Variants in AOPEP observed in about 807,000 individuals in gnomAD.
AOPEP encodes aminopeptidase O.
AOPEP carries 77 observed loss-of-function variants against 98.1 expected under a neutral mutation model. The observed-to-expected ratio is 0.78, with a 90% CI of 0.65 to 0.95. The LOEUF is 0.95. Ranked by LOEUF, AOPEP falls within the 40% of genes least tolerant of loss-of-function variation. The probability of loss-of-function intolerance (pLI) is 0.00; values close to 1 mark genes in which losing one functional copy is unlikely to be tolerated. For synonymous variants in AOPEP, 346 were observed against 365.3 expected, an observed-to-expected ratio of 0.95 and a Z score of 0.60; for missense variants, 1,024 against 1,024.7, an observed-to-expected ratio of 1.00 and a Z score of 0.01.
chr9:94,829,486 A>G (rs999413072), intron 5 of AOPEP, among the ~76,000 whole-genome samples: 1 of 152,210 alleles, frequency 6.6e-6, no homozygotes, highest in Non-Finnish European at 1.5e-5. Flanking sequence ...ATCTCTGGAA[A>G]GAGAAGTAAG....
chr9:94,807,043 C>G (rs1216750358), intron 5 of AOPEP, among the ~76,000 whole-genome samples: 1 of 152,148 alleles, frequency 6.6e-6, no homozygotes, highest in Admixed American at 6.5e-5. Flanking sequence ...ACACAGAAAC[C>G]ATACTGACCC....
rs35760706 is a variant in AOPEP, at chr9:94,839,088, CTT to C, written c.1364+38100_1364+38101del. ...ACCACACCCACCTAATTTTTGTATT[CTT>C]TTTTTTTTTTTTTGAGAGGGAGTCT... On this transcript the variant is annotated intron_variant, in intron 5 of 16. Transcript: ENST00000375315. Among the ~76,000 whole-genome samples the C allele has an allele frequency of 1.5e-3, 183 of 121,200 alleles. 6 individuals carry two copies. The highest frequency in any genetic ancestry group is 1.1e-3 in the Non-Finnish European group (67 of 59,206). The allele number at this position is 121,200 out of a possible 152,430, so 79.5% of individuals were successfully genotyped here.
chr9:94,917,618 GC>G (rs1241470824), intron 5 of AOPEP, among the ~76,000 whole-genome samples: 1 of 152,172 alleles, frequency 6.6e-6, no homozygotes, highest in Non-Finnish European at 1.5e-5. Context: ...GGAGCTCCTA[GC>G]CTTGGCATCG....
Position 94,980,652 on chromosome 9 carries a change from G to C in AOPEP, c.1977+1225G>C, listed in dbSNP as rs1044950407. 2.0e-5 allele frequency among the ~76,000 whole-genome samples: 3 copies of C among 152,096 alleles called. No homozygotes were observed. The highest frequency in any genetic ancestry group is 2.9e-5 in the Non-Finnish European group (2 of 68,034). ...GTCACCTGTTACAAATTATTTCTTTGGTCCAGTCCTTCTGGGAGGAAAAAA... is the reference window on the plus strand; with the variant it reads ...GTCACCTGTTACAAATTATTTCTTTCGTCCAGTCCTTCTGGGAGGAAAAAA... On this transcript the variant is annotated intron_variant, in intron 11 of 16. Transcript: ENST00000375315. This position sits in a 1 kb window ranked among gnomAD's most constrained non-coding sequence, Gnocchi z 4.3.
chr9:95,080,749 A>T lies in AOPEP; in HGVS notation c.2288A>T (p.Lys763Ile), dbSNP rs769844423. The change falls in exon 15 of 17, where the codon AAA becomes ATA. Residue 763 changes from lysine to isoleucine, a missense_variant. Lys to Ile is a moderately radical substitution (Grantham distance 102). Transcript: ENST00000375315. ...AAGCACAAGTTCACGAAAGCCTACA[A>T]AAGTGTGGAGAGGTTCCTTCAGGAG... ...IVKHKFTKAY[K>I]SVERFLQEDQ... is the part of the protein sequence containing the mutation. 3.7e-6 allele frequency: 6 copies of T among 1,614,122 alleles called. No individual in the cohort carries two copies. The East Asian group carries it at 1.3e-4, about 36-fold the overall frequency.
intron 1 of AOPEP, among the ~76,000 whole-genome samples, chr9:94,755,117 C>T (rs1210195844): frequency 6.6e-6 from 1 of 151,962 alleles, no homozygotes; most frequent in Non-Finnish European, 1.5e-5. Context: ...TTATTTTAGA[C>T]ACAGCAATGG....
chr9:94,978,428 A>G (rs532284499), intron 10 of AOPEP, among the ~76,000 whole-genome samples: 12 of 152,330 alleles, frequency 7.9e-5, no homozygotes, highest in African/African-American at 2.9e-4. Flanking sequence ...ACCAGGGATC[A>G]GATCTCAGAT....
At chr9:95,113,012 T>C in the AOPEP span, among the ~76,000 whole-genome samples, 1 of 152,144 alleles carries the variant, frequency 6.6e-6, no homozygotes, top group Non-Finnish European at 1.5e-5. Context: ...AATCACAGGG[T>C]GGGCTGTTTA....
At chr9:95,012,926 T>A (rs1462643941) in intron 13 of AOPEP, among the ~76,000 whole-genome samples, 2 of 150,440 alleles carry the variant, frequency 1.3e-5, no homozygotes, top group African/African-American at 4.9e-5. Context: ...TTTTGTTTTT[T>A]TTTTTTAACG....
intron 3 of AOPEP, among the ~76,000 whole-genome samples, chr9:94,779,994 G>T (rs186112766): frequency 1.3e-5 from 2 of 152,184 alleles, no homozygotes; most frequent in African/African-American, 4.8e-5. Flanking sequence ...CACTAATACA[G>T]ATGGGAACTC....
chr9:94,754,396 A>G (rs1179407125), intron 1 of AOPEP, among the ~76,000 whole-genome samples: 1 of 152,236 alleles, frequency 6.6e-6, no homozygotes, highest in Non-Finnish European at 1.5e-5. Flanking sequence ...ACTACTCAAC[A>G]GTGTGCTCTA....
chr9:95,009,995 C>T (rs947482088), intron 13 of AOPEP, among the ~76,000 whole-genome samples: 8 of 151,788 alleles, frequency 5.3e-5, no homozygotes, highest in African/African-American at 1.9e-4. Context: ...AGTATTTTCA[C>T]TCTACTTCTA....
At chr9:95,080,837 A>G (rs2069668511) in intron 15 of AOPEP, 57 bp downstream of exon 15, 1 of 1,093,792 alleles carries the variant, frequency 9.1e-7, no homozygotes, top group Non-Finnish European at 1.4e-6. Context: ...TGCACTTCAC[A>G]CAGGAATCCA....
At chr9:95,101,501 A>C in the AOPEP span, 1 of 636,154 alleles carries the variant, frequency 1.6e-6, no homozygotes, top group Non-Finnish European at 2.7e-6. Flanking sequence ...ATTAGTGAAC[A>C]TGTCTGACTG....
chr9:94,846,696 C>T lies in AOPEP; in HGVS notation c.1364+45694C>T, dbSNP rs75498395. Among the ~76,000 whole-genome samples the T allele has an allele frequency of 7.4e-3, 1,129 of 152,090 alleles. 15 individuals carry two copies. The highest frequency in any genetic ancestry group is 0.026 in the African/African-American group (1,090 of 41,478). ...CGAGGTGGTGGGAGGATTGCTTGAACCCAGGAGTTCAAGATCATCTTGGAA... is the reference window on the plus strand; with the variant it reads ...CGAGGTGGTGGGAGGATTGCTTGAATCCAGGAGTTCAAGATCATCTTGGAA... On this transcript the variant is annotated intron_variant, in intron 5 of 16. Transcript: ENST00000375315.
chr9:94,886,542 TTTC>T (rs2048259118), intron 5 of AOPEP, among the ~76,000 whole-genome samples: 1 of 152,216 alleles, frequency 6.6e-6, no homozygotes, highest in South Asian at 2.1e-4. Flanking sequence ...TATGAATTTT[TTTC>T]TTTTCAAATT....
At chr9:94,871,941 G>A (rs1161275274) in intron 5 of AOPEP, among the ~76,000 whole-genome samples, 5 of 152,148 alleles carry the variant, frequency 3.3e-5, no homozygotes, top group South Asian at 2.1e-4. Flanking sequence ...TGGGGAGGTC[G>A]AAGCAGCAGT....
intron 13 of AOPEP, among the ~76,000 whole-genome samples, chr9:95,043,868 G>A (rs2065585461): frequency 6.6e-6 from 1 of 152,168 alleles, no homozygotes; most frequent in African/African-American, 2.4e-5. Context: ...TTTTGGCCCA[G>A]TCTGATCTCA....
intron 14 of AOPEP, among the ~76,000 whole-genome samples, chr9:95,075,218 AT>A (rs1393782863): frequency 1.3e-5 from 2 of 152,204 alleles, no homozygotes; most frequent in Non-Finnish European, 2.9e-5. Context: ...GACTTGATGA[AT>A]TTTAATCACA....
Sources: allele counts gnomAD v4.1 joint callset (sites outside exome capture counted in the v4.1 genomes callset), GRCh38; gene constraint gnomAD v4.1.1; non-coding constraint Gnocchi (gnomAD v3.1); transcripts MANE v1.5; gene names NCBI Gene and HGNC (gene_info 2026-07-23, HGNC 2026-07-21).